Variants in ENTREP2 observed in about 807,000 individuals in gnomAD.
ENTREP2 encodes endosomal transmembrane epsin interactor 2, also known as protein ENTREP2.
chr15:29,554,494 T>G, the ENTREP2 span, among the ~76,000 whole-genome samples: 1 of 152,018 alleles, frequency 6.6e-6, no homozygotes, highest in African/African-American at 2.4e-5. Flanking sequence ...TGAATCAAAA[T>G]CCATTCATAA....
chr15:29,330,840 A>G, the ENTREP2 span, among the ~76,000 whole-genome samples: 13 of 152,254 alleles, frequency 8.5e-5, no homozygotes, highest in African/African-American at 3.1e-4. Context: ...AATTCTTTAC[A>G]CTATCTTGGC....
chr15:29,298,155 C>T, the ENTREP2 span, among the ~76,000 whole-genome samples: 2 of 149,660 alleles, frequency 1.3e-5, no homozygotes, highest in Non-Finnish European at 3.0e-5. Flanking sequence ...TTCTAAGTAA[C>T]CTATGAATCA....
At chr15:29,201,747 A>G in the ENTREP2 span, among the ~76,000 whole-genome samples, 3 of 152,026 alleles carry the variant, frequency 2.0e-5, no homozygotes, top group Non-Finnish European at 2.9e-5. Context: ...TTATTTTTCT[A>G]TACTGTCTTT....
chr15:29,671,552 G>GA, the ENTREP2 span, among the ~76,000 whole-genome samples: 1 of 152,140 alleles, frequency 6.6e-6, no homozygotes, highest in African/African-American at 2.4e-5. Flanking sequence ...GCTGGTGCGG[G>GA]AAAAAATCCC....
chr15:29,551,264 A>G, the ENTREP2 span, among the ~76,000 whole-genome samples: 3 of 152,288 alleles, frequency 2.0e-5, no homozygotes, highest in Admixed American at 2.0e-4. Flanking sequence ...AGTGGGCACA[A>G]GCAGGGTAGG....
the ENTREP2 span, among the ~76,000 whole-genome samples, chr15:29,180,741 T>G: frequency 6.6e-6 from 1 of 150,540 alleles, no homozygotes; most frequent in East Asian, 1.9e-4. Context: ...ATCTGCAAAA[T>G]TTAAAAAATA....
chr15:29,358,026 G>A, the ENTREP2 span, among the ~76,000 whole-genome samples: 25 of 152,108 alleles, frequency 1.6e-4, no homozygotes, highest in East Asian at 2.1e-3. Context: ...AAAACCATGC[G>A]ACATCATTTC....
the ENTREP2 span, among the ~76,000 whole-genome samples, chr15:29,514,288 T>C: frequency 6.6e-6 from 1 of 152,208 alleles, no homozygotes; most frequent in Non-Finnish European, 1.5e-5. Flanking sequence ...AGGTGCCTCG[T>C]ATGAGTGGAA....
the ENTREP2 span, among the ~76,000 whole-genome samples, chr15:29,423,289 C>G: frequency 6.6e-6 from 1 of 152,098 alleles, no homozygotes; most frequent in African/African-American, 2.4e-5. Context: ...AGTGGGAATT[C>G]AGAGAGAGAT....
the ENTREP2 span, chr15:29,123,226 C>A: frequency 8.5e-7 from 1 of 1,176,066 alleles, no homozygotes; most frequent in East Asian, 2.6e-5. Context: ...GTCCCCCCCA[C>A]ATTTATCCTC....
the ENTREP2 span, among the ~76,000 whole-genome samples, chr15:29,172,253 C>T: frequency 6.6e-6 from 1 of 152,140 alleles, no homozygotes; most frequent in South Asian, 2.1e-4. Flanking sequence ...CCAGTTCCAT[C>T]GTGATGTACT....
chr15:29,298,608 T>C, the ENTREP2 span, among the ~76,000 whole-genome samples: 2 of 152,170 alleles, frequency 1.3e-5, no homozygotes, highest in African/African-American at 2.4e-5. Flanking sequence ...TTTGAAAATT[T>C]AGATAAAATG....
the ENTREP2 span, among the ~76,000 whole-genome samples, chr15:29,645,660 G>A: frequency 7.9e-5 from 12 of 152,136 alleles, no homozygotes; most frequent in South Asian, 6.2e-4. Context: ...CAGGGTTCAC[G>A]CCATTCTCCT....
the ENTREP2 span, among the ~76,000 whole-genome samples, chr15:29,530,707 C>T: frequency 6.6e-6 from 1 of 152,210 alleles, no homozygotes; most frequent in East Asian, 1.9e-4. Flanking sequence ...CATGCCTAAG[C>T]ACAGAAACAT....
At chr15:29,126,878 AGGGGTGCAGCCCCG>A in the ENTREP2 span, among the ~76,000 whole-genome samples, 3 of 152,176 alleles carry the variant, frequency 2.0e-5, no homozygotes, top group Non-Finnish European at 4.4e-5. Flanking sequence ...CCGCCCTTGC[AGGGGTGCAGCCCCG>A]GGCCTGGAGT....
At chr15:29,570,478 C>G in the ENTREP2 span, 1 of 1,251,568 alleles carries the variant, frequency 8.0e-7, no homozygotes, top group Non-Finnish European at 1.0e-6. Context: ...CCCCGGAGCC[C>G]GTCCCCGCCT....
At chr15:29,297,345 A>T in the ENTREP2 span, among the ~76,000 whole-genome samples, 4 of 152,314 alleles carry the variant, frequency 2.6e-5, no homozygotes, top group African/African-American at 9.6e-5. Context: ...CAGGGAGTAA[A>T]ACATGTCTAT....
the ENTREP2 span, among the ~76,000 whole-genome samples, chr15:29,324,447 T>C: frequency 2.0e-5 from 3 of 152,034 alleles, no homozygotes; most frequent in Non-Finnish European, 4.4e-5. Context: ...ATAACCTAAA[T>C]ATCCCAATTA....
the ENTREP2 span, among the ~76,000 whole-genome samples, chr15:29,245,655 T>C: frequency 1.3e-5 from 2 of 151,446 alleles, no homozygotes; most frequent in Non-Finnish European, 2.9e-5. Context: ...AACAACAATA[T>C]AACAGTAAAA....
Sources: allele counts gnomAD v4.1 joint callset (sites outside exome capture counted in the v4.1 genomes callset), GRCh38; gene constraint gnomAD v4.1.1; transcripts MANE v1.5; gene names NCBI Gene and HGNC (gene_info 2026-07-23, HGNC 2026-07-21).